DPP6: variants seen among roughly 807,000 people sequenced by gnomAD.
The protein encoded by DPP6 is dipeptidyl peptidase like 6.
DPP6 carries 69 observed loss-of-function variants against 122.6 expected under a neutral mutation model. That is an observed-to-expected ratio of 0.56 (90% CI 0.46 to 0.69). The LOEUF (loss-of-function observed/expected upper bound fraction) is 0.69, where lower values mean the gene tolerates loss of function less well. Among genes scored for constraint, DPP6 ranks in the 30% least tolerant of loss-of-function variants. The probability of loss-of-function intolerance (pLI) is 0.00; values close to 1 mark genes in which losing one functional copy is unlikely to be tolerated. For missense variants in DPP6, 928 were observed against 1,116.9 expected, an observed-to-expected ratio of 0.83 and a Z score of 2.41; for synonymous variants, 418 against 433.1, an observed-to-expected ratio of 0.97 and a Z score of 0.43.
chr7:154,509,104 A>C (rs1463095527), intron 3 of DPP6, among the ~76,000 whole-genome samples: 2 of 152,206 alleles, frequency 1.3e-5, no homozygotes, highest in Admixed American at 1.3e-4. Flanking sequence ...CAAAAAGCAA[A>C]AACAACAAAA....
At chr7:153,936,712 G>T (rs1801462205) in intron 1 of DPP6, among the ~76,000 whole-genome samples, 1 of 152,046 alleles carries the variant, frequency 6.6e-6, no homozygotes, top group Non-Finnish European at 1.5e-5. Flanking sequence ...TCGGGAGGCT[G>T]AGGCAGGAAA....
intron 1 of DPP6, among the ~76,000 whole-genome samples, chr7:154,179,557 A>G (rs1190675662): frequency 6.6e-6 from 1 of 152,210 alleles, no homozygotes; most frequent in Non-Finnish European, 1.5e-5. Flanking sequence ...AGTGTCTGGC[A>G]TGAGCTCCCC....
intron 21 of DPP6, 174 bp downstream of exon 21, chr7:154,881,116 A>T: frequency 8.9e-7 from 1 of 1,119,386 alleles, no homozygotes; most frequent in Non-Finnish European, 1.2e-6. Flanking sequence ...GTTTCATTTG[A>T]TCAGCTCATT....
At chr7:153,876,673 G>A in the DPP6 span, among the ~76,000 whole-genome samples, 3 of 151,962 alleles carry the variant, frequency 2.0e-5, no homozygotes, top group Non-Finnish European at 4.4e-5. Context: ...ATTGCTTAAT[G>A]ACAGGATACT....
intron 1 of DPP6, among the ~76,000 whole-genome samples, chr7:153,959,018 G>A (rs2531116): frequency 2.0e-5 from 3 of 152,172 alleles, no homozygotes; most frequent in Admixed American, 1.3e-4. Flanking sequence ...TGAGATGAGT[G>A]CAGAGATTTT....
chr7:154,538,663 TA>T (rs1398414932), intron 3 of DPP6, among the ~76,000 whole-genome samples: 2 of 152,160 alleles, frequency 1.3e-5, no homozygotes, highest in Non-Finnish European at 2.9e-5. Context: ...AATTAAGTAG[TA>T]ACCTTTTTTG....
rs191318881 is a variant in DPP6 at position 154,889,795 on chromosome 7, C to T, written c.2451+265C>T. On this transcript the variant is annotated intron_variant, in intron 25 of 25. Coordinates refer to ENST00000377770, the MANE Select transcript of DPP6 (RefSeq NM_130797.4). ...CCGTACTCCCACCCCAGCCCTGCTC[C>T]CCTCCTCCGGGCAGTGAGAAGAACC... 223 of 508,786 alleles carry T rather than the reference C, an allele frequency of 4.4e-4. 1 individual carries two copies. The highest frequency in any genetic ancestry group is 3.9e-3 in the African/African-American group (202 of 51,724). 31.5% of individuals were successfully genotyped at this position (508,786 alleles called of 1,614,324 possible).
chr7:153,826,014 A>G, the DPP6 span, among the ~76,000 whole-genome samples: 4 of 152,240 alleles, frequency 2.6e-5, no homozygotes, highest in Non-Finnish European at 4.4e-5. Context: ...GCCTGGTACC[A>G]TAAAATAATA....
At chr7:154,538,237 A>C (rs1828427123) in intron 3 of DPP6, among the ~76,000 whole-genome samples, 1 of 152,054 alleles carries the variant, frequency 6.6e-6, no homozygotes, top group African/African-American at 2.4e-5. Context: ...TTTTTTATGT[A>C]TTTATTTATT....
In DPP6 at chr7:154,481,582, A is replaced by T. The variant is rs905785996; in HGVS notation, c.457+6545A>T. 1.3e-5 allele frequency among the ~76,000 whole-genome samples: 2 copies of T among 149,250 alleles called. No homozygotes were observed. Among genetic ancestry groups the T allele is most frequent in the Non-Finnish European group, 3.0e-5 (2 of 67,668 alleles). On this transcript the variant is annotated intron_variant, in intron 3 of 25. Transcript: ENST00000377770. This position sits in a 1 kb window ranked among gnomAD's most constrained non-coding sequence, Gnocchi z 4.2. The stretch of plus-strand genomic sequence containing the variant: ...GATCTGTTTACTCTCCTGACTCATC[A>T]TTGGCCATCTCCCCAGTTTTCTCTT...
chr7:154,585,285 G>T (rs1393708699), intron 5 of DPP6, among the ~76,000 whole-genome samples: 1 of 152,222 alleles, frequency 6.6e-6, no homozygotes, highest in Non-Finnish European at 1.5e-5. Flanking sequence ...TGCTGTTTTG[G>T]TGAAATATGT....
intron 1 of DPP6, among the ~76,000 whole-genome samples, chr7:154,079,880 G>A (rs534547932): frequency 1.3e-5 from 2 of 151,826 alleles, no homozygotes; most frequent in South Asian, 4.2e-4. Flanking sequence ...CTTAGAATTT[G>A]TGTTGCAAAC....
intron 19 of DPP6, among the ~76,000 whole-genome samples, chr7:154,873,830 ATAAAC>A (rs1398653999): frequency 5.5e-5 from 7 of 126,426 alleles, no homozygotes; most frequent in Non-Finnish European, 9.1e-5. Context: ...ACACGCATAC[ATAAAC>A]ACACACATAT....
chr7:154,379,328 G>A (rs1813394471), intron 1 of DPP6, among the ~76,000 whole-genome samples: 1 of 151,912 alleles, frequency 6.6e-6, no homozygotes, highest in African/African-American at 2.4e-5. Context: ...TGGACACAGG[G>A]CAGGGAACAT....
intron 1 of DPP6, among the ~76,000 whole-genome samples, chr7:153,917,006 T>C (rs535180049): frequency 1.6e-4 from 24 of 152,332 alleles, no homozygotes; most frequent in African/African-American, 5.8e-4. Context: ...AGCTTTGCTT[T>C]TCACACTCGC....
chr7:153,751,199 G>A, the DPP6 span, among the ~76,000 whole-genome samples: 2 of 150,576 alleles, frequency 1.3e-5, no homozygotes, highest in East Asian at 2.0e-4. Context: ...TAGCATATAC[G>A]ACTTTGGTGG....
At position 154,052,829 on chromosome 7, in the gene DPP6, G is replaced by T. The variant is rs201730397; in HGVS notation, c.9G>T (p.Ser3=). MA[S]LYQRFTGKIN... is the part of the protein sequence containing the mutation. ...CAGGAGCGCGGTGCCCGATGGCTTCGCTGTACCAGAGGTTCACTGGCAAGA... is the reference window on the plus strand; with the variant it reads ...CAGGAGCGCGGTGCCCGATGGCTTCTCTGTACCAGAGGTTCACTGGCAAGA... Residue 3 remains serine (S), a synonymous_variant, in exon 1 of 26, where the codon TCG becomes TCT. Transcript: ENST00000377770. The surrounding 1 kb of genome is among the most constrained non-coding windows in gnomAD (Gnocchi z 4.8). 8 of 1,529,720 alleles carry T rather than the reference G, an allele frequency of 5.2e-6. No individual in the cohort carries two copies. Among genetic ancestry groups the T allele is most frequent in the Non-Finnish European group, 6.2e-6 (7 of 1,137,790 alleles). 94.8% of individuals were successfully genotyped at this position (1,529,720 alleles called of 1,614,324 possible).
At chr7:153,835,595 T>C in the DPP6 span, among the ~76,000 whole-genome samples, 44 of 152,296 alleles carry the variant, frequency 2.9e-4, no homozygotes, top group Admixed American at 5.2e-4. Context: ...ACACAAGGAT[T>C]ACAGCAGGAA....
intron 5 of DPP6, among the ~76,000 whole-genome samples, chr7:154,569,534 T>C (rs558516741): frequency 6.6e-6 from 1 of 152,082 alleles, no homozygotes; most frequent in Admixed American, 6.5e-5. Context: ...GGATTCATGC[T>C]CAACATATTC....
Sources: gnomAD v4.1 joint callset for allele counts (sites outside exome capture counted in the v4.1 genomes callset) on GRCh38, gnomAD v4.1.1 for gene constraint, Gnocchi (gnomAD v3.1) non-coding constraint, MANE v1.5 for transcripts, NCBI Gene and HGNC (gene_info 2026-07-23, HGNC 2026-07-21) for gene names.